Variants in ANGPTL6 observed in about 807,000 individuals in gnomAD.
ANGPTL6 encodes angiopoietin like 6.
Under a neutral mutation model 47.4 loss-of-function variants are expected in ANGPTL6, and 45 were observed. The ratio of observed to expected loss-of-function variants is 0.95; its 90% confidence interval spans 0.75 to 1.22. ANGPTL6 has a LOEUF of 1.22. Among genes scored for constraint, ANGPTL6 ranks in the 50% most tolerant of loss-of-function variants. ANGPTL6 has a pLI of 0.00. For missense variants in ANGPTL6, 698 were observed against 669.4 expected, an observed-to-expected ratio of 1.04 and a Z score of -0.47; for synonymous variants, 290 against 295.9, an observed-to-expected ratio of 0.98 and a Z score of 0.20.
chr19:10,102,316 A>G (rs2088700440), intron 1 of ANGPTL6, among the ~76,000 whole-genome samples: 1 of 151,146 alleles, frequency 6.6e-6, no homozygotes, highest in African/African-American at 2.4e-5. Context: ...TTACTTCTGG[A>G]CTCAGACACC....
rs2145162160 is a variant in ANGPTL6, at chr19:10,092,612, G to T, written c.1390C>A (p.Leu464Ile). 1 of 1,609,924 alleles carries T rather than the reference G, an allele frequency of 6.2e-7. No individual in the cohort carries two copies. Among genetic ancestry groups the T allele is most frequent in the East Asian group, 2.2e-5 (1 of 44,740 alleles). Residue 464 changes from leucine (L) to isoleucine (I), a missense_variant, in exon 6 of 6, where the codon CTC becomes ATC. Coordinates refer to ENST00000253109, the MANE Select transcript of ANGPTL6 (RefSeq NM_031917.3). ...GAYSLRKAAM[L>I]IRPLKL ...AGTCACAGCTTCAGGGGCCGAATGAGCATGGCGGCCTTCCTGAGAGAATAT... is the reference window on the plus strand; with the variant it reads ...AGTCACAGCTTCAGGGGCCGAATGATCATGGCGGCCTTCCTGAGAGAATAT...
In ANGPTL6 at chr19:10,096,269, C is replaced by G; in HGVS notation, c.295G>C (p.Glu99Gln). 1 of 1,203,896 alleles carries G rather than the reference C, an allele frequency of 8.3e-7. No homozygotes were observed. The highest frequency in any genetic ancestry group is 3.6e-5 in the East Asian group (1 of 27,854). 74.6% of individuals were successfully genotyped at this position (1,203,896 alleles called of 1,614,324 possible). A position where few individuals can be genotyped will look rare whatever the true frequency, so the allele number is the denominator to read the frequency against. Residue 99 changes from glutamate to glutamine, a missense_variant, in exon 2 of 6, where the codon GAG becomes CAG. Physicochemically the swap from Glu to Gln is conservative, Grantham distance 29 (BLOSUM62 2). Coordinates refer to ENST00000253109, the MANE Select transcript of ANGPTL6 (RefSeq NM_031917.3). ...AGGCGCGCGCTCAGGCCGCGGCTCTCCTTGCGCAGCGCGCGCACCTCGCCG... is the reference window on the plus strand; with the variant it reads ...AGGCGCGCGCTCAGGCCGCGGCTCTGCTTGCGCAGCGCGCGCACCTCGCCG... ...VAGEVRALRK[E>Q]SRGLSARLGQ...
chr19:10,103,816 T>C (rs6511435), upstream of ANGPTL6, among the ~76,000 whole-genome samples: 46,108 of 150,948 alleles, frequency 0.31, 8,035 homozygotes, highest in African/African-American at 0.44. Context: ...AATGTAAGGC[T>C]GGGCGCGGTG....
At chr19:10,103,650 G>A (rs1276306057), upstream of ANGPTL6, among the ~76,000 whole-genome samples, 3 of 148,760 alleles carry the variant, frequency 2.0e-5, no homozygotes, top group African/African-American at 2.5e-5. Flanking sequence ...ATAAAGTGAG[G>A]AATTAATTAA....
At chr19:10,094,984 C>G (rs751955163) in intron 2 of ANGPTL6, 46 bp from the exon 3 acceptor site, 1 of 1,526,906 alleles carries the variant, frequency 6.5e-7, no homozygotes. Context: ...AACCCTCAGG[C>G]CAGGAGGCCT....
chr19:10,102,600 C>T lies in ANGPTL6; in HGVS notation c.-43G>A, dbSNP rs532517962. 1 of 984,668 alleles carries T rather than the reference C, an allele frequency of 1.0e-6. No individual in the cohort carries two copies. The highest frequency in any genetic ancestry group is 1.1e-4 in the East Asian group (1 of 8,814). The allele number at this position is 984,668 out of a possible 1,614,324, so 61.0% of individuals were successfully genotyped here. On this transcript the variant is annotated 5_prime_UTR_variant, in exon 1 of 6. Coordinates refer to ENST00000253109, the MANE Select transcript of ANGPTL6 (RefSeq NM_031917.3). The stretch of plus-strand genomic sequence containing the variant: ...GCCCAAGACCCTGAATCCAGCGAAG[C>T]TCACAGAACACACAAGAAGTCCAAG...
rs960684849 is a variant in ANGPTL6, at chr19:10,096,428, C to T, written c.136G>A (p.Gly46Ser). The part of the protein sequence containing the change: ...QKFTGAVCWS[G>S]PASTRATPEA... Reference sequence around the variant, plus strand: ...GGCGTCGCCCGCGTGGATGCGGGGCCGCTCCAGCACACAGCGCCCGTGAAC... The same window carrying T: ...GGCGTCGCCCGCGTGGATGCGGGGCTGCTCCAGCACACAGCGCCCGTGAAC... Residue 46 changes from glycine to serine, a missense_variant, in exon 2 of 6, where the codon GGC (glycine) becomes AGC (serine). Physicochemically the swap from Gly to Ser is moderately conservative, Grantham distance 56. Coordinates refer to ENST00000253109, the MANE Select transcript of ANGPTL6 (RefSeq NM_031917.3). The T allele has an allele frequency of 8.9e-6, 12 of 1,353,892 alleles. No homozygotes were observed. The highest frequency in any genetic ancestry group is 4.6e-5 in the African/African-American group (3 of 65,148). The allele number at this position is 1,353,892 out of a possible 1,614,324, so 83.9% of individuals were successfully genotyped here. A position where few individuals can be genotyped will look rare whatever the true frequency, so the allele number is the denominator to read the frequency against.
upstream of ANGPTL6, chr19:10,102,750 T>G (rs1332378421): frequency 1.0e-6 from 1 of 984,510 alleles, no homozygotes; most frequent in Non-Finnish European, 1.2e-6. Flanking sequence ...GCTGGGATGC[T>G]GGGCCCAGGA....
chr19:10,105,387 T>C (rs1461504013), upstream of ANGPTL6, among the ~76,000 whole-genome samples: 2 of 150,434 alleles, frequency 1.3e-5, no homozygotes, highest in East Asian at 2.0e-4. Context: ...GGGAGAGACA[T>C]AGGGAGATGG....
chr19:10,096,541 G>T lies in ANGPTL6; in HGVS notation c.23C>A (p.Ala8Glu). 1 of 1,513,758 alleles carries T rather than the reference G, an allele frequency of 6.6e-7. No individual in the cohort carries two copies. Among genetic ancestry groups the T allele is most frequent in the Non-Finnish European group, 8.8e-7 (1 of 1,137,742 alleles). The allele number at this position is 1,513,758 out of a possible 1,614,324, so 93.8% of individuals were successfully genotyped here. A position where few individuals can be genotyped will look rare whatever the true frequency, so the allele number is the denominator to read the frequency against. The change falls in exon 2 of 6, where the codon GCG becomes GAG. Residue 8 changes from alanine to glutamate, a missense_variant. By Grantham distance (107) the Ala-to-Glu change is moderately radical. Transcript: ENST00000253109. ...GCCCAGCAGGAGCAGCAGCTGTAGC[G>T]CACGCAGCCAGGGCTTCCCCATCGC... MGKPWLR[A>E]LQLLLLLGAS... is the part of the protein sequence containing the mutation.
At chr19:10,096,625 A>C in intron 1 of ANGPTL6, 52 bp from the exon 2 acceptor site, 2 of 1,332,848 alleles carry the variant, frequency 1.5e-6, no homozygotes, top group Non-Finnish European at 2.0e-6. Flanking sequence ...GCCCAGCGAG[A>C]CCCCTCCGCT....
upstream of ANGPTL6, among the ~76,000 whole-genome samples, chr19:10,104,313 G>C (rs938720538): frequency 5.5e-5 from 4 of 72,774 alleles, no homozygotes; most frequent in Non-Finnish European, 1.1e-4. Flanking sequence ...TTGTTTGTGT[G>C]TGTGGTGTGT....
Position 10,096,666 on chromosome 19 carries a change from C to T in ANGPTL6, c.-10-93G>A, listed in dbSNP as rs532199359. ...GCGGGGATGCGCGCGTCTACACCCGCGATGTCCCGGGCCCATAATTTCAGT... is the reference window on the plus strand; with the variant it reads ...GCGGGGATGCGCGCGTCTACACCCGTGATGTCCCGGGCCCATAATTTCAGT... On this transcript the variant is annotated intron_variant, in intron 1 of 5. Transcript: ENST00000253109. The T allele has an allele frequency of 7.0e-6, 7 of 1,004,482 alleles. No individual in the cohort carries two copies. In the East Asian group the frequency reaches 1.3e-4, roughly 19 times the overall value. 62.2% of individuals were successfully genotyped at this position (1,004,482 alleles called of 1,614,324 possible).
chr19:10,095,920 G>C (rs1045140673), intron 2 of ANGPTL6, 62 bp downstream of exon 2: 1 of 975,256 alleles, frequency 1.0e-6, no homozygotes, highest in Non-Finnish European at 1.3e-6. Flanking sequence ...ATAAGAGATC[G>C]TGGGGTTGCA....
At chr19:10,105,776 C>A (rs2088805529), upstream of ANGPTL6, among the ~76,000 whole-genome samples, 1 of 152,180 alleles carries the variant, frequency 6.6e-6, no homozygotes. Flanking sequence ...AGCCAGAGGC[C>A]TGAGGCCAAG....
upstream of ANGPTL6, among the ~76,000 whole-genome samples, chr19:10,104,926 C>T (rs2088779713): frequency 6.6e-6 from 1 of 152,200 alleles, no homozygotes; most frequent in African/African-American, 2.4e-5. Flanking sequence ...CCCACACACT[C>T]GGTCACATTT....
intron 5 of ANGPTL6, 83 bp from the exon 6 acceptor site, chr19:10,092,862 C>T: frequency 8.6e-7 from 1 of 1,157,232 alleles, no homozygotes; most frequent in Non-Finnish European, 1.2e-6. Flanking sequence ...TTTTGCCAGG[C>T]ATCCCCTGGC....
At chr19:10,096,659 A>G (rs2088553495) in intron 1 of ANGPTL6, 86 bp from the exon 2 acceptor site, 1 of 1,077,862 alleles carries the variant, frequency 9.3e-7, no homozygotes, top group Admixed American at 3.6e-5. Context: ...GCGCGCGTCT[A>G]CACCCGCGAT....
chr19:10,102,718 G>A (rs1029085440), upstream of ANGPTL6: 11 of 984,586 alleles, frequency 1.1e-5, no homozygotes, highest in African/African-American at 1.7e-5. Flanking sequence ...CCACTCCCCA[G>A]CCCCCAGAGC....
Sources: gnomAD v4.1 joint callset for allele counts (sites outside exome capture counted in the v4.1 genomes callset) on GRCh38, gnomAD v4.1.1 for gene constraint, MANE v1.5 for transcripts, NCBI Gene and HGNC (gene_info 2026-07-23, HGNC 2026-07-21) for gene names.